The following RUNX1 variants were observed in gnomAD, a reference collection of about 807,000 sequenced individuals.
RUNX1 encodes the protein runt-related transcription factor 1.
In RUNX1, 19 loss-of-function variants were observed where a neutral mutation model predicts 42.8. The observed-to-expected ratio is 0.44, with a 90% CI of 0.31 to 0.65. The LOEUF is 0.65. Among genes scored for constraint, RUNX1 ranks in the 30% least tolerant of loss-of-function variants. The probability of loss-of-function intolerance (pLI) is 0.07; values close to 1 mark genes in which losing one functional copy is unlikely to be tolerated. For synonymous variants in RUNX1, 271 were observed against 289.4 expected, an observed-to-expected ratio of 0.94 and a Z score of 0.64; for missense variants, 528 against 672.0, an observed-to-expected ratio of 0.79 and a Z score of 2.37.
intron 2 of RUNX1, among the ~76,000 whole-genome samples, chr21:34,921,259 ACT>A (rs149937065): frequency 1.3e-3 from 200 of 151,292 alleles, no homozygotes; most frequent in African/African-American, 4.6e-3. Context: ...CCAAATGAAA[ACT>A]CTTTACACAT....
intron 2 of RUNX1, among the ~76,000 whole-genome samples, chr21:35,043,768 G>A (rs1434726442): frequency 6.6e-6 from 1 of 152,128 alleles, no homozygotes; most frequent in East Asian, 1.9e-4. Flanking sequence ...TCCTGTGTGG[G>A]CCTCCTCTGC....
In RUNX1 at chr21:34,951,671, A is replaced by G. The variant is rs2146670815; in HGVS notation, c.59-58708T>C. 2.0e-5 allele frequency among the ~76,000 whole-genome samples: 3 copies of G among 152,364 alleles called. 1 individual carries two copies. In the Middle Eastern group the frequency reaches 0.01, roughly 518 times the overall value. ...TTAGAGAAATGCAAATCAAAACCAC[A>G]ATGAGATACCATCTCACACCAGTTA... On this transcript the variant is annotated intron_variant, in intron 2 of 8. Transcript: ENST00000675419.
At position 34,816,948 on chromosome 21, in the gene RUNX1, G is replaced by A. The variant is rs115759853; in HGVS notation, c.805+17462C>T. 4.3e-3 allele frequency among the ~76,000 whole-genome samples: 649 copies of A among 152,326 alleles called. 4 individuals are homozygous for A. The highest frequency in any genetic ancestry group is 0.015 in the African/African-American group (621 of 41,570). On this transcript the variant is annotated intron_variant, in intron 7 of 8. Coordinates refer to ENST00000675419, the MANE Select transcript of RUNX1 (RefSeq NM_001754.5). ...GGCTAGAGAAGGAGACAGGAAACTG[G>A]TGGTTCCATGGTCTCCATAGGTATC...
intron 7 of RUNX1, among the ~76,000 whole-genome samples, chr21:34,811,273 C>T (rs989800531): frequency 2.0e-5 from 3 of 152,212 alleles, no homozygotes; most frequent in East Asian, 1.9e-4. Flanking sequence ...CTTCAATAAA[C>T]GCGAGTGAAA....
At chr21:34,988,294 T>G (rs981339252) in intron 2 of RUNX1, among the ~76,000 whole-genome samples, 1 of 152,102 alleles carries the variant, frequency 6.6e-6, no homozygotes, top group African/African-American at 2.4e-5. Flanking sequence ...GGGGGAAACA[T>G]GGTTGCTAAG....
At position 34,834,523 on chromosome 21, in the gene RUNX1, A is replaced by G. The variant is rs1408720761; in HGVS notation, c.692T>C (p.Leu231Pro). The G allele has an allele frequency of 3.1e-6, 5 of 1,612,116 alleles. No individual in the cohort carries two copies. The African/African-American group carries it at 6.7e-5, about 22-fold the overall frequency. Residue 231 changes from leucine (L) to proline (P), a missense_variant, in exon 7 of 9, where the codon CTG becomes CCG. Leu to Pro is a moderately conservative substitution (Grantham distance 98, BLOSUM62 -3). Coordinates refer to ENST00000675419, the MANE Select transcript of RUNX1 (RefSeq NM_001754.5). ...FSERLSELEQ[L>P]RRTAMRVSPH... ...GCTGACCCTCATGGCTGTGCGCCGC[A>G]GCTGCTCCAGTTCACTGAGCCGCTC...
intron 2 of RUNX1, among the ~76,000 whole-genome samples, chr21:35,039,170 A>G (rs1442902119): frequency 1.3e-5 from 2 of 152,218 alleles, no homozygotes; most frequent in African/African-American, 4.8e-5. Flanking sequence ...TATCTGAGCA[A>G]TGCAAAGGGG....
intron 2 of RUNX1, among the ~76,000 whole-genome samples, chr21:35,002,288 C>T (rs746983318): frequency 6.6e-6 from 1 of 151,892 alleles, no homozygotes; most frequent in African/African-American, 2.4e-5. Flanking sequence ...ACCTTCTCAG[C>T]GTGCCCCTCC....
intron 2 of RUNX1, among the ~76,000 whole-genome samples, chr21:34,940,354 C>T (rs1209025856): frequency 6.6e-6 from 1 of 152,138 alleles, no homozygotes; most frequent in African/African-American, 2.4e-5. Context: ...TTTAATGTCC[C>T]AGTTAAAAGT....
intron 2 of RUNX1, among the ~76,000 whole-genome samples, chr21:35,013,284 A>G (rs2059138396): frequency 6.6e-6 from 1 of 152,268 alleles, no homozygotes; most frequent in African/African-American, 2.4e-5. Context: ...GTCTGAGGCA[A>G]CACATTTGAC....
Position 34,795,484 on chromosome 21 carries a change from A to C in RUNX1, c.968-2874T>G, listed in dbSNP as rs117462132. ...GATACACTCCTCATCAGAGGTAATT[A>C]AAGTTTATAGAAACAGCCCAAGTCT... is the stretch of plus-strand genomic sequence containing the variant. On this transcript the variant is annotated intron_variant, in intron 8 of 8. Transcript: ENST00000675419. Among the ~76,000 whole-genome samples, 924 of 152,336 alleles carry C rather than the reference A, an allele frequency of 6.1e-3. 3 individuals are homozygous for C. Among genetic ancestry groups the C allele is most frequent in the Non-Finnish European group, 0.01 (683 of 68,026 alleles).
At chr21:34,890,132 T>A (rs1171448257) in intron 3 of RUNX1, among the ~76,000 whole-genome samples, 1 of 151,846 alleles carries the variant, frequency 6.6e-6, no homozygotes. Context: ...CGGGGTTGAC[T>A]GGCGTGGAGG....
At chr21:34,925,617 G>A (rs186636210) in intron 2 of RUNX1, among the ~76,000 whole-genome samples, 155 of 152,288 alleles carry the variant, frequency 1.0e-3, no homozygotes, top group Non-Finnish European at 1.9e-3. Flanking sequence ...GAGGAAGCCC[G>A]GCTCTTCCTG....
At chr21:34,895,073 T>C (rs1044470616) in intron 2 of RUNX1, among the ~76,000 whole-genome samples, 1 of 152,204 alleles carries the variant, frequency 6.6e-6, no homozygotes, top group Non-Finnish European at 1.5e-5. Flanking sequence ...TCTCAGGGTC[T>C]AGATCAGAAA....
At chr21:34,852,194 C>CAA (rs1035396133) in intron 6 of RUNX1, among the ~76,000 whole-genome samples, 1 of 151,790 alleles carries the variant, frequency 6.6e-6, no homozygotes, top group Non-Finnish European at 1.5e-5. Flanking sequence ...CAAAACAAAA[C>CAA]AAAACAACAA....
At chr21:35,023,573 G>A (rs2059214889) in intron 2 of RUNX1, among the ~76,000 whole-genome samples, 2 of 152,212 alleles carry the variant, frequency 1.3e-5, no homozygotes, top group Admixed American at 1.3e-4. Flanking sequence ...TTGACCTGCG[G>A]GGCTAGCAGG....
intron 6 of RUNX1, among the ~76,000 whole-genome samples, chr21:34,858,826 GA>G (rs1323680412): frequency 1.3e-5 from 2 of 152,150 alleles, no homozygotes; most frequent in Non-Finnish European, 2.9e-5. Context: ...AAGTCACTGT[GA>G]AGACATCTTT....
intron 2 of RUNX1, among the ~76,000 whole-genome samples, chr21:35,021,481 A>G (rs2059197590): frequency 1.3e-5 from 2 of 152,262 alleles, no homozygotes; most frequent in African/African-American, 4.8e-5. Flanking sequence ...TAAATACACT[A>G]TGAGCACTAT....
At chr21:35,002,595 T>G (rs935576041) in intron 2 of RUNX1, among the ~76,000 whole-genome samples, 5 of 151,956 alleles carry the variant, frequency 3.3e-5, no homozygotes, top group Admixed American at 3.3e-4. Context: ...GCCCAGCTAA[T>G]TTTTGTATTT....
Sources: gnomAD v4.1 joint callset for allele counts (sites outside exome capture counted in the v4.1 genomes callset) on GRCh38, gnomAD v4.1.1 for gene constraint, MANE v1.5 for transcripts, NCBI Gene and HGNC (gene_info 2026-07-23, HGNC 2026-07-21) for gene names.